The following SLC16A9 variants were observed in gnomAD, a reference collection of about 807,000 sequenced individuals.
SLC16A9 encodes solute carrier family 16 member 9, also known as monocarboxylate transporter 9.
Under a neutral mutation model 44.3 loss-of-function variants are expected in SLC16A9, and 26 were observed. The observed-to-expected ratio is 0.59, with a 90% CI of 0.43 to 0.81. SLC16A9 has a LOEUF of 0.81. Among genes scored for constraint, SLC16A9 ranks in the 40% least tolerant of loss-of-function variants. The probability of loss-of-function intolerance (pLI) is 0.00; values close to 1 mark genes in which losing one functional copy is unlikely to be tolerated. For missense variants in SLC16A9, 559 were observed against 595.8 expected, an observed-to-expected ratio of 0.94 and a Z score of 0.64; for synonymous variants, 230 against 225.1, an observed-to-expected ratio of 1.02 and a Z score of -0.19.
chr10:59,672,703 C>G (rs1362116671), intron 3 of SLC16A9, 67 bp downstream of exon 3: 1 of 1,442,034 alleles, frequency 6.9e-7, no homozygotes, highest in Non-Finnish European at 9.4e-7. Context: ...GGATCATAAA[C>G]CTGGCACTGG....
At chr10:59,702,618 T>C (rs1840549559) in intron 1 of SLC16A9, among the ~76,000 whole-genome samples, 1 of 152,228 alleles carries the variant, frequency 6.6e-6, no homozygotes, top group Admixed American at 6.5e-5. Context: ...CAGGCCCACT[T>C]GTTTGTAGAA....
intron 2 of SLC16A9, among the ~76,000 whole-genome samples, chr10:59,680,367 AC>A (rs2132476946): frequency 6.6e-6 from 1 of 152,302 alleles, no homozygotes; most frequent in African/African-American, 2.4e-5. Context: ...CAGGAGTAGG[AC>A]TTTATGTTTC....
intron 1 of SLC16A9, among the ~76,000 whole-genome samples, chr10:59,688,595 G>A (rs369069374): frequency 1.3e-5 from 2 of 151,952 alleles, no homozygotes; most frequent in African/African-American, 4.8e-5. Flanking sequence ...TATTGTAAAA[G>A]TAAACAATGC....
chr10:59,696,775 A>AT (rs1840391045), intron 1 of SLC16A9, among the ~76,000 whole-genome samples: 1 of 135,568 alleles, frequency 7.4e-6, no homozygotes, highest in East Asian at 2.2e-4. Context: ...AAGTGAGGAG[A>AT]CCCTCTGCCT....
intron 1 of SLC16A9, among the ~76,000 whole-genome samples, chr10:59,696,812 A>G (rs1342436769): frequency 1.2e-4 from 17 of 144,502 alleles, no homozygotes; most frequent in Non-Finnish European, 2.0e-4. Context: ...GAGAAGTGAG[A>G]AGCCCCTCCG....
chr10:59,682,481 C>T (rs1034536519), intron 2 of SLC16A9, among the ~76,000 whole-genome samples: 1 of 152,108 alleles, frequency 6.6e-6, no homozygotes, highest in Non-Finnish European at 1.5e-5. Flanking sequence ...CAGCTCTGAC[C>T]ACCAATGCCC....
chr10:59,656,361 C>CTCT (rs1177164296), intron 4 of SLC16A9, among the ~76,000 whole-genome samples: 1 of 152,194 alleles, frequency 6.6e-6, no homozygotes, highest in African/African-American at 2.4e-5. Context: ...CTTAAAAATG[C>CTCT]TCTTGGTGTT....
At chr10:59,674,309 G>T (rs1239518337) in intron 2 of SLC16A9, among the ~76,000 whole-genome samples, 1 of 152,094 alleles carries the variant, frequency 6.6e-6, no homozygotes, top group African/African-American at 2.4e-5. Context: ...CAATACCAGA[G>T]AACTTCTTAT....
chr10:59,692,834 A>T (rs1171645), intron 1 of SLC16A9, among the ~76,000 whole-genome samples: 41,727 of 152,138 alleles, frequency 0.27, 6,457 homozygotes, highest in East Asian at 0.62. Flanking sequence ...AAACAAAAAA[A>T]TGTAGGTAAA....
intron 1 of SLC16A9, among the ~76,000 whole-genome samples, chr10:59,692,342 C>A (rs1319904775): frequency 6.6e-6 from 1 of 152,072 alleles, no homozygotes; most frequent in Non-Finnish European, 1.5e-5. Context: ...GGACTGAAAC[C>A]CTCACATGCT....
Position 59,652,835 on chromosome 10 carries a change from G to A in SLC16A9, c.1467C>T (p.Cys489=), listed in dbSNP as rs1379926442. ...LLAALPSWDT[C]NKQLPKPAPT... is the part of the protein sequence containing the mutation. ...GAGCTGGCTTGGGGAGTTGCTTGTT[G>A]CATGTATCCCAAGAGGGCAAGGCTG... The change falls in exon 6 of 6, where the codon TGC becomes TGT. Residue 489 remains cysteine, a synonymous_variant. Coordinates refer to ENST00000395348, the MANE Select transcript of SLC16A9 (RefSeq NM_194298.3). 7 of 1,613,926 alleles carry A rather than the reference G, an allele frequency of 4.3e-6. No individual in the cohort carries two copies. Among genetic ancestry groups the A allele is most frequent in the Non-Finnish European group, 4.2e-6 (5 of 1,179,916 alleles).
intron 2 of SLC16A9, among the ~76,000 whole-genome samples, chr10:59,674,539 A>G (rs1588974492): frequency 6.6e-6 from 1 of 152,210 alleles, no homozygotes; most frequent in Non-Finnish European, 1.5e-5. Context: ...CATTTGAAAG[A>G]CCAAATTTAT....
chr10:59,691,648 A>T lies in SLC16A9; in HGVS notation c.-36-7321T>A, dbSNP rs1377275732. ...CCTGTTTTGTTTAAGGGGAAAGGAGAGTTGGCAAGTTCTAATCCCTTCCTT... is the reference window on the plus strand; with the variant it reads ...CCTGTTTTGTTTAAGGGGAAAGGAGTGTTGGCAAGTTCTAATCCCTTCCTT... On this transcript the variant is annotated intron_variant, in intron 1 of 5. Coordinates refer to ENST00000395348, the MANE Select transcript of SLC16A9 (RefSeq NM_194298.3). Among the ~76,000 whole-genome samples the T allele has an allele frequency of 3.3e-5, 5 of 152,312 alleles. No individual in the cohort carries two copies. The East Asian group carries it at 9.7e-4, about 29-fold the overall frequency.
At position 59,695,606 on chromosome 10, in the gene SLC16A9, C is replaced by T. The variant is rs1840354175; in HGVS notation, c.-36-11279G>A. 2.0e-5 allele frequency among the ~76,000 whole-genome samples: 3 copies of T among 152,132 alleles called. No individual in the cohort carries two copies. The South Asian group carries it at 6.2e-4, about 32-fold the overall frequency. On this transcript the variant is annotated intron_variant, in intron 1 of 5. Coordinates refer to ENST00000395348, the MANE Select transcript of SLC16A9 (RefSeq NM_194298.3). ...CCACATCCACTCTCCCCACCTATAC[C>T]TACACCCAAATTTCTAACCTAGTAA...
intron 3 of SLC16A9, among the ~76,000 whole-genome samples, chr10:59,665,765 G>A (rs143805144): frequency 2.6e-5 from 4 of 152,188 alleles, no homozygotes; most frequent in African/African-American, 9.6e-5. Flanking sequence ...CATGCTTTCC[G>A]TGATTTCGTT....
rs909876908 is a variant in SLC16A9, at chr10:59,651,154, T to C, written c.*1618A>G. On this transcript the variant is annotated 3_prime_UTR_variant, in exon 6 of 6. Transcript: ENST00000395348. ...GAATGAACTGTTATGAAATTCTCCATATTCCAGGTTTACTACATAGAAAAG... is the reference window on the plus strand; with the variant it reads ...GAATGAACTGTTATGAAATTCTCCACATTCCAGGTTTACTACATAGAAAAG... 1 of 152,196 alleles carries C rather than the reference T, an allele frequency of 6.6e-6. No individual in the cohort carries two copies. The highest frequency in any genetic ancestry group is 2.4e-5 in the African/African-American group (1 of 41,464). The allele number at this position is 152,196 out of a possible 1,614,324, so 9.4% of individuals were successfully genotyped here. A position where few individuals can be genotyped will look rare whatever the true frequency, so the allele number is the denominator to read the frequency against.
intron 3 of SLC16A9, among the ~76,000 whole-genome samples, chr10:59,667,843 T>G (rs1007183167): frequency 6.6e-6 from 1 of 152,228 alleles, no homozygotes; most frequent in South Asian, 2.1e-4. Flanking sequence ...TAGTAAGGCA[T>G]AGTTGTTTCC....
chr10:59,700,467 G>A (rs1840497949), intron 1 of SLC16A9, among the ~76,000 whole-genome samples: 2 of 152,070 alleles, frequency 1.3e-5, no homozygotes, highest in South Asian at 4.1e-4. Context: ...AAAAAAGGTG[G>A]TAATTCAATG....
chr10:59,667,146 A>G (rs996287583), intron 3 of SLC16A9, among the ~76,000 whole-genome samples: 1 of 152,238 alleles, frequency 6.6e-6, no homozygotes, highest in African/African-American at 2.4e-5. Context: ...TGGATTTACT[A>G]TAACAGAGTA....
Sources: gnomAD v4.1 joint callset for allele counts (sites outside exome capture counted in the v4.1 genomes callset) on GRCh38, gnomAD v4.1.1 for gene constraint, MANE v1.5 for transcripts, NCBI Gene and HGNC (gene_info 2026-07-23, HGNC 2026-07-21) for gene names.